Variants in RGS5 observed in about 807,000 individuals in gnomAD.
RGS5 encodes regulator of G-protein signalling 5.
A neutral mutation model predicts 18.9 loss-of-function variants in RGS5; 20 were observed. That is an observed-to-expected ratio of 1.06 (90% CI 0.74 to 1.54). RGS5 has a LOEUF of 1.54. Ranked by LOEUF, RGS5 falls within the 40% of genes most tolerant of loss-of-function variation. The pLI is 0.00. For missense variants in RGS5, 201 were observed against 211.8 expected (o/e 0.95, Z 0.32); for synonymous variants, 57 against 76.2 (o/e 0.75, Z 1.31).
chr1:163,148,634 C>G lies in RGS5; in HGVS notation c.385-1131G>C, dbSNP rs76119337. Among the ~76,000 whole-genome samples the G allele has an allele frequency of 6.2e-4, 94 of 152,224 alleles. 1 individual carries two copies. In the East Asian group the frequency reaches 0.018, roughly 29 times the overall value. On this transcript the variant is annotated intron_variant, in intron 4 of 4. Transcript: ENST00000313961. ...CAGTGATGTGGCTCCAGAGCCCAGC[C>G]TTTTAACCAGTAGACTCCAGCACTG...
intron 2 of RGS5, among the ~76,000 whole-genome samples, chr1:163,283,253 T>G (rs1187441701): frequency 6.6e-6 from 1 of 152,124 alleles, no homozygotes; most frequent in Non-Finnish European, 1.5e-5. Flanking sequence ...TATACTTTAG[T>G]GTATGTGTTC....
chr1:163,274,384 C>G (rs540115363), intron 2 of RGS5, among the ~76,000 whole-genome samples: 1 of 152,188 alleles, frequency 6.6e-6, no homozygotes, highest in Non-Finnish European at 1.5e-5. Flanking sequence ...TGCATTCATA[C>G]GCCAAAAGGG....
chr1:163,258,787 T>G (rs1250723015), intron 2 of RGS5, among the ~76,000 whole-genome samples: 1 of 152,036 alleles, frequency 6.6e-6, no homozygotes, highest in Non-Finnish European at 1.5e-5. Flanking sequence ...TCAATCTTCT[T>G]GCTTCAGCCT....
At chr1:163,253,455 C>A (rs1029554564) in intron 2 of RGS5, among the ~76,000 whole-genome samples, 1 of 118,976 alleles carries the variant, frequency 8.4e-6, no homozygotes, top group East Asian at 2.0e-4. Context: ...ATTACAGGTA[C>A]ACGCCACCAT....
At chr1:163,293,132 G>A (rs1185512613) in intron 2 of RGS5, among the ~76,000 whole-genome samples, 2 of 152,220 alleles carry the variant, frequency 1.3e-5, no homozygotes, top group East Asian at 1.9e-4. Context: ...TGTCTTCTAC[G>A]GTTTTTATAG....
chr1:163,159,020 T>C (rs1163344691), intron 3 of RGS5, among the ~76,000 whole-genome samples: 1 of 152,216 alleles, frequency 6.6e-6, no homozygotes, highest in Non-Finnish European at 1.5e-5. Flanking sequence ...AATTCAGCGA[T>C]ATTTCTCCCA....
intron 3 of RGS5, among the ~76,000 whole-genome samples, chr1:163,154,048 C>A (rs1409053790): frequency 1.3e-5 from 2 of 152,172 alleles, no homozygotes; most frequent in Non-Finnish European, 2.9e-5. Flanking sequence ...GTCACCAGTA[C>A]TTTAGGGTCC....
intron 3 of RGS5, among the ~76,000 whole-genome samples, chr1:163,156,775 C>T (rs758949978): frequency 4.6e-5 from 7 of 152,112 alleles, no homozygotes; most frequent in Non-Finnish European, 7.3e-5. Flanking sequence ...GGGCAAGTTA[C>T]CTAATTCCCC....
intron 4 of RGS5, among the ~76,000 whole-genome samples, chr1:163,150,501 C>T (rs1229670725): frequency 6.6e-6 from 1 of 152,106 alleles, no homozygotes; most frequent in Non-Finnish European, 1.5e-5. Context: ...TTAAATTAAT[C>T]TTCTTGTCAA....
intron 1 of RGS5, among the ~76,000 whole-genome samples, chr1:163,306,968 A>G (rs978200999): frequency 5.9e-5 from 9 of 152,188 alleles, no homozygotes; most frequent in Non-Finnish European, 1.0e-4. Context: ...TAAGCTACCT[A>G]GTTGGTGATA....
intron 2 of RGS5, among the ~76,000 whole-genome samples, chr1:163,272,346 A>AGT (rs901639283): frequency 6.6e-6 from 1 of 152,092 alleles, no homozygotes; most frequent in African/African-American, 2.4e-5. Context: ...ATCTTCTGCT[A>AGT]GTGTGAAGTT....
At chr1:163,170,579 AT>A (rs1268386938) in intron 1 of RGS5, among the ~76,000 whole-genome samples, 1 of 152,222 alleles carries the variant, frequency 6.6e-6, no homozygotes, top group Admixed American at 6.5e-5. Flanking sequence ...GGGAAAAAAA[AT>A]GTAAGGAAAC....
At chr1:163,234,690 C>T (rs1185014108) in intron 2 of RGS5, among the ~76,000 whole-genome samples, 2 of 152,134 alleles carry the variant, frequency 1.3e-5, no homozygotes, top group Non-Finnish European at 2.9e-5. Flanking sequence ...CTTTTGTTAT[C>T]TATTATTGTG....
At chr1:163,217,383 C>T in intron 1 of RGS5, 2 of 832,326 alleles carry the variant, frequency 2.4e-6, no homozygotes, top group Non-Finnish European at 3.4e-6. Flanking sequence ...AGCATTGGCA[C>T]TTTTCCTCCC....
chr1:163,292,625 A>G (rs1038340077), intron 2 of RGS5, among the ~76,000 whole-genome samples: 4 of 151,972 alleles, frequency 2.6e-5, no homozygotes, highest in African/African-American at 9.7e-5. Context: ...ACTAATTTAC[A>G]CTCCCAAGAA....
intron 2 of RGS5, among the ~76,000 whole-genome samples, chr1:163,275,097 C>T (rs1265183518): frequency 1.3e-5 from 2 of 152,170 alleles, no homozygotes; most frequent in Non-Finnish European, 2.9e-5. Flanking sequence ...GACTGTGAGA[C>T]AGAGCAAAAA....
upstream of RGS5, among the ~76,000 whole-genome samples, chr1:163,207,448 A>G (rs938658295): frequency 1.2e-4 from 18 of 152,326 alleles, no homozygotes; most frequent in South Asian, 8.3e-4. Flanking sequence ...TTAGACTCCT[A>G]ACAGAAATAA....
intron 2 of RGS5, among the ~76,000 whole-genome samples, chr1:163,242,477 G>A (rs571190938): frequency 6.6e-6 from 1 of 152,334 alleles, no homozygotes; most frequent in South Asian, 2.1e-4. Flanking sequence ...ACACAAATGA[G>A]TATTATGCTC....
intron 1 of RGS5, among the ~76,000 whole-genome samples, chr1:163,198,826 T>A (rs968277877): frequency 6.6e-6 from 1 of 152,116 alleles, no homozygotes; most frequent in African/African-American, 2.4e-5. Flanking sequence ...TTATTTATTT[T>A]TTGTTGTTGT....
Sources: allele counts gnomAD v4.1 joint callset (sites outside exome capture counted in the v4.1 genomes callset), GRCh38; gene constraint gnomAD v4.1.1; transcripts MANE v1.5; gene names NCBI Gene and HGNC (gene_info 2026-07-23, HGNC 2026-07-21).